Variants in RORA observed in about 807,000 individuals in gnomAD.
RORA encodes RAR related orphan receptor A, also known as nuclear receptor ROR-alpha.
In RORA, 7 loss-of-function variants were observed where a neutral mutation model predicts 69.5. The ratio of observed to expected loss-of-function variants is 0.10; its 90% confidence interval spans 0.06 to 0.19. RORA has a LOEUF of 0.19. Ranked by LOEUF, RORA falls within the 10% of genes least tolerant of loss-of-function variation. RORA has a pLI of 1.00. For synonymous variants in RORA, 261 were observed against 240.8 expected (o/e 1.08, Z -0.78); for missense variants, 457 against 663.0 (o/e 0.69, Z 3.41).
intron 1 of RORA, among the ~76,000 whole-genome samples, chr15:60,865,607 G>A (rs2073478718): frequency 6.6e-6 from 1 of 152,324 alleles, no homozygotes; most frequent in Non-Finnish European, 1.5e-5. Flanking sequence ...GCATTACACA[G>A]TTTAAGTGAA....
intron 1 of RORA, among the ~76,000 whole-genome samples, chr15:60,694,525 ATTG>A (rs2070874569): frequency 6.6e-6 from 1 of 152,158 alleles, no homozygotes; most frequent in African/African-American, 2.4e-5. Context: ...TCGATGGTGT[ATTG>A]TTGTGCACAT....
intron 2 of RORA, among the ~76,000 whole-genome samples, chr15:60,582,977 A>C (rs1390844382): frequency 6.6e-6 from 1 of 152,326 alleles, no homozygotes; most frequent in Non-Finnish European, 1.5e-5. Flanking sequence ...CTTAAGTATT[A>C]CCTACCTCTC....
intron 1 of RORA, among the ~76,000 whole-genome samples, chr15:60,977,574 G>A (rs1893912461): frequency 1.3e-5 from 2 of 151,992 alleles, no homozygotes; most frequent in South Asian, 4.2e-4. Context: ...TCCAGAACAT[G>A]ACCCCAAAAA....
intron 1 of RORA, among the ~76,000 whole-genome samples, chr15:61,083,593 T>A (rs940212144): frequency 6.6e-6 from 1 of 151,994 alleles, no homozygotes; most frequent in Non-Finnish European, 1.5e-5. Flanking sequence ...TGTTGCCGAC[T>A]CCACATCTGT....
chr15:60,540,789 T>C (rs1025983294), intron 2 of RORA, among the ~76,000 whole-genome samples: 1 of 152,206 alleles, frequency 6.6e-6, no homozygotes, highest in Non-Finnish European at 1.5e-5. Context: ...ACTGGATTCA[T>C]GGTAAAAGAT....
chr15:60,972,553 T>TA (rs1365879517), intron 1 of RORA, among the ~76,000 whole-genome samples: 8 of 152,156 alleles, frequency 5.3e-5, no homozygotes, highest in African/African-American at 1.9e-4. Flanking sequence ...TGAGTGTGTG[T>TA]ATGCATGTCT....
chr15:61,011,226 T>G (rs1229170906), intron 1 of RORA, among the ~76,000 whole-genome samples: 2 of 152,214 alleles, frequency 1.3e-5, no homozygotes, highest in African/African-American at 4.8e-5. Context: ...CATCTGCATC[T>G]TCTGCATTCT....
intron 2 of RORA, chr15:60,614,873 G>A (rs751153493): frequency 6.2e-7 from 1 of 1,602,654 alleles, no homozygotes; most frequent in Non-Finnish European, 8.5e-7. Flanking sequence ...CTGGAGCATA[G>A]TAAGCTCTCA....
intron 5 of RORA, among the ~76,000 whole-genome samples, chr15:60,508,260 C>T (rs1425812383): frequency 1.3e-5 from 2 of 152,130 alleles, no homozygotes; most frequent in South Asian, 2.1e-4. Flanking sequence ...CACTTTGTGA[C>T]TGGGGCAAGT....
At chr15:60,540,564 A>AACCCCC (rs760302878) in intron 2 of RORA, among the ~76,000 whole-genome samples, 2 of 46,050 alleles carry the variant, frequency 4.3e-5, no homozygotes, top group African/African-American at 1.0e-4. Context: ...AATTTCCATG[A>AACCCCC]CCCCCCCCCC....
intron 1 of RORA, among the ~76,000 whole-genome samples, chr15:60,761,489 A>G (rs1018685988): frequency 1.3e-5 from 2 of 151,990 alleles, no homozygotes; most frequent in African/African-American, 4.8e-5. Flanking sequence ...GAGCTGGGCA[A>G]CTCTCTTTTA....
At chr15:60,856,490 C>CTTTTTTT (rs34150883) in intron 1 of RORA, among the ~76,000 whole-genome samples, 3 of 148,680 alleles carry the variant, frequency 2.0e-5, no homozygotes. Context: ...AATCACTGAC[C>CTTTTTTT]TTTTTTTTTT....
intron 2 of RORA, among the ~76,000 whole-genome samples, chr15:60,556,134 CTG>C (rs35418627): frequency 0.16 from 23,840 of 152,160 alleles, 2,163 homozygotes; most frequent in South Asian, 0.3. Flanking sequence ...TTCTCACTCT[CTG>C]TAAATGCAAA....
At chr15:61,199,262 G>GAA (rs11449228) in intron 1 of RORA, among the ~76,000 whole-genome samples, 1 of 150,270 alleles carries the variant, frequency 6.7e-6, no homozygotes, top group South Asian at 2.1e-4. Flanking sequence ...GAAAGAAAGG[G>GAA]AAAAAAAAAT....
intron 1 of RORA, among the ~76,000 whole-genome samples, chr15:60,982,482 C>T (rs973915422): frequency 6.6e-6 from 1 of 152,178 alleles, no homozygotes. Flanking sequence ...AGACCGTGCT[C>T]CCTTGGGAGC....
At chr15:61,182,406 C>T (rs1045058718) in intron 1 of RORA, among the ~76,000 whole-genome samples, 2 of 152,174 alleles carry the variant, frequency 1.3e-5, no homozygotes, top group African/African-American at 4.8e-5. Flanking sequence ...GGAAAAATTG[C>T]TAGCCCTGAG....
chr15:60,714,037 A>G (rs894180627), intron 1 of RORA, among the ~76,000 whole-genome samples: 5 of 151,140 alleles, frequency 3.3e-5, no homozygotes, highest in African/African-American at 1.2e-4. Context: ...CACCTTCTTC[A>G]TTATCTCTCT....
In RORA at chr15:61,170,432, G is replaced by A. The variant is rs2079575247; in HGVS notation, c.166+58621C>T. ...TCATTAAATCTCCTTCTTTCACTCTGACTCTCCTGCCCGCCTCTTATAAGG... is the reference window on the plus strand; with the variant it reads ...TCATTAAATCTCCTTCTTTCACTCTAACTCTCCTGCCCGCCTCTTATAAGG... On this transcript the variant is annotated intron_variant, in intron 1 of 10. Transcript: ENST00000335670. Among the ~76,000 whole-genome samples the A allele has an allele frequency of 2.6e-5, 4 of 152,024 alleles. No homozygotes were observed. The South Asian group carries it at 8.3e-4, about 32-fold the overall frequency.
At chr15:61,092,011 G>A (rs2099774326) in intron 1 of RORA, among the ~76,000 whole-genome samples, 1 of 152,122 alleles carries the variant, frequency 6.6e-6, no homozygotes, top group Non-Finnish European at 1.5e-5. Context: ...TCAAACAATT[G>A]AACAAACCAA....
Sources: allele counts gnomAD v4.1 joint callset (sites outside exome capture counted in the v4.1 genomes callset), GRCh38; gene constraint gnomAD v4.1.1; transcripts MANE v1.5; gene names NCBI Gene and HGNC (gene_info 2026-07-23, HGNC 2026-07-21).